PALD1: variants seen among roughly 807,000 people sequenced by gnomAD.
PALD1 encodes paladin.
A neutral mutation model predicts 96.0 loss-of-function variants in PALD1; 57 were observed. The ratio of observed to expected loss-of-function variants is 0.59; its 90% CI spans 0.48 to 0.74. The LOEUF (loss-of-function observed/expected upper bound fraction) is 0.74, where lower values mean the gene tolerates loss of function less well. Among genes scored for constraint, PALD1 ranks in the 30% least tolerant of loss-of-function variants. The probability of loss-of-function intolerance (pLI) is 0.00; values close to 1 mark genes in which losing one functional copy is unlikely to be tolerated. For missense variants in PALD1, 1,063 were observed against 1,143.7 expected (o/e 0.93, Z 1.02); for synonymous variants, 464 against 473.6 (o/e 0.98, Z 0.26).
chr10:70,567,130 G>A lies in PALD1; in HGVS notation c.*397G>A. 1 of 184,138 alleles carries A rather than the reference G, an allele frequency of 5.4e-6. No homozygotes were observed. Among genetic ancestry groups the A allele is most frequent in the Non-Finnish European group, 1.1e-5 (1 of 89,628 alleles). The allele number at this position is 184,138 out of a possible 1,614,324, so 11.4% of individuals were successfully genotyped here. On this transcript the variant is annotated 3_prime_UTR_variant, in exon 20 of 20. Coordinates refer to ENST00000263563, the MANE Select transcript of PALD1 (RefSeq NM_014431.3). ...TTGGCCTGGCAGCCCCTGGCACAGA[G>A]CAGACCCGGCCACTGGTAGCTCCCC...
chr10:70,463,702 A>G, the PALD1 span, among the ~76,000 whole-genome samples: 1 of 152,122 alleles, frequency 6.6e-6, no homozygotes, highest in Non-Finnish European at 1.5e-5. Flanking sequence ...GATAAGGACT[A>G]CAGGTGCTAT....
intron 1 of PALD1, among the ~76,000 whole-genome samples, chr10:70,490,573 A>G (rs1248906687): frequency 2.0e-5 from 3 of 152,244 alleles, no homozygotes; most frequent in Admixed American, 1.3e-4. Context: ...AGTTTTTACA[A>G]AACTATTAAA....
At chr10:70,531,238 T>C (rs1219643167) in intron 4 of PALD1, 52 bp from the exon 5 acceptor site, 1 of 1,508,712 alleles carries the variant, frequency 6.6e-7, no homozygotes, top group Non-Finnish European at 9.1e-7. Context: ...GTGGTGCAGG[T>C]GTCTGTGCGG....
In PALD1 at chr10:70,537,898, C is replaced by T. The variant is rs140399902; in HGVS notation, c.1315C>T (p.His439Tyr). 1.7e-5 allele frequency: 28 copies of T among 1,610,034 alleles called. No individual in the cohort carries two copies. The East Asian group carries it at 2.5e-4, about 14-fold the overall frequency. The change falls in exon 11 of 20, where the codon CAT becomes TAT. Residue 439 changes from histidine to tyrosine, a missense_variant. Transcript: ENST00000263563. ...FYLILFNYYL[H>Y]EQYPLAFALS... ...CCTGATCCTGTTTAACTACTACCTT[C>T]ATGAGCAGGTGGGGCCTGGGAGGAG...
intron 11 of PALD1, 56 bp downstream of exon 11, chr10:70,537,962 C>A (rs1847150845): frequency 6.4e-6 from 8 of 1,255,060 alleles, no homozygotes; most frequent in Non-Finnish European, 8.1e-6. Flanking sequence ...CTCCCAGCCT[C>A]CCCACCGCAG....
At chr10:70,533,193 A>T in intron 7 of PALD1, 123 bp downstream of exon 7, 2 of 774,174 alleles carry the variant, frequency 2.6e-6, no homozygotes, top group Non-Finnish European at 4.4e-6. Context: ...TGTGTATGTG[A>T]GCATGTTAGG....
chr10:70,551,309 T>TC (rs3841212), intron 18 of PALD1, among the ~76,000 whole-genome samples: 53,683 of 152,036 alleles, frequency 0.35, 9,900 homozygotes, highest in East Asian at 0.65. Flanking sequence ...AAACCAGAAG[T>TC]CCCAGGTGGC....
At chr10:70,565,646 G>A (rs10999404) in intron 19 of PALD1, among the ~76,000 whole-genome samples, 14,728 of 152,200 alleles carry the variant, frequency 0.097, 939 homozygotes, top group Middle Eastern at 0.18. Context: ...GGGACGTCAG[G>A]TGGAGAAGCA....
chr10:70,518,415 A>C (rs1347279521), intron 1 of PALD1, among the ~76,000 whole-genome samples: 1 of 152,224 alleles, frequency 6.6e-6, no homozygotes, highest in Admixed American at 6.5e-5. Flanking sequence ...AAGAAATTAC[A>C]AAACTGTCTT....
chr10:70,540,088 ATGTG>A lies in PALD1; in HGVS notation c.1908+332_1908+335del. Among the ~76,000 whole-genome samples, 1 of 151,366 alleles carries A rather than the reference ATGTG, an allele frequency of 6.6e-6. No individual in the cohort carries two copies. ...ATGTGTTTATTATGTTGTAGGGTGTATGTGTGTGTATTGTGTTATGGGTGTGTGT... is the reference window on the plus strand; with the variant it reads ...ATGTGTTTATTATGTTGTAGGGTGTATGTGTATTGTGTTATGGGTGTGTGT... On this transcript the variant is annotated intron_variant, in intron 15 of 19. Transcript: ENST00000263563. This position sits in a 1 kb window ranked among gnomAD's most constrained non-coding sequence, Gnocchi z 4.2.
In PALD1 at chr10:70,547,451, G is replaced by A; in HGVS notation, c.2262+5G>A. On this transcript the variant is annotated splice_donor_5th_base_variant and intron_variant, in intron 18 of 19. Transcript: ENST00000263563. The stretch of plus-strand genomic sequence containing the variant: ...ATCATCTGCACCTACCGCCAGGTGA[G>A]CCCCCACCCCACCCCACCCCACCCT... The A allele has an allele frequency of 6.3e-7, 1 of 1,585,846 alleles. No homozygotes were observed. The highest frequency in any genetic ancestry group is 8.6e-7 in the Non-Finnish European group (1 of 1,164,772).
rs1229688762 is a variant in PALD1, at chr10:70,568,210, A to C, written c.*1477A>C. Reference sequence around the variant, plus strand: ...TAATTTCTTTGCAGACAAGGTCTAGATGCGGAGTCAGAGATGGGACTGAAT... The same window carrying C: ...TAATTTCTTTGCAGACAAGGTCTAGCTGCGGAGTCAGAGATGGGACTGAAT... On this transcript the variant is annotated 3_prime_UTR_variant, in exon 20 of 20. Coordinates refer to ENST00000263563, the MANE Select transcript of PALD1 (RefSeq NM_014431.3). 1 of 152,742 alleles carries C rather than the reference A, an allele frequency of 6.5e-6. No individual in the cohort carries two copies. Among genetic ancestry groups the C allele is most frequent in the Admixed American group, 6.5e-5 (1 of 15,278 alleles). 9.5% of individuals were successfully genotyped at this position (152,742 alleles called of 1,614,324 possible).
At chr10:70,551,629 G>GC in intron 18 of PALD1, among the ~76,000 whole-genome samples, 1 of 152,132 alleles carries the variant, frequency 6.6e-6, no homozygotes, top group South Asian at 2.1e-4. Context: ...CCTTTTCCTG[G>GC]CCCCCTGCCG....
At chr10:70,479,742 A>G (rs985610115) in intron 1 of PALD1, among the ~76,000 whole-genome samples, 9 of 151,702 alleles carry the variant, frequency 5.9e-5, no homozygotes, top group African/African-American at 1.5e-4. Context: ...GGGCATCTCT[A>G]CTCTCCCAGC....
At chr10:70,533,485 G>A (rs1461921121) in intron 7 of PALD1, among the ~76,000 whole-genome samples, 1 of 152,156 alleles carries the variant, frequency 6.6e-6, no homozygotes, top group Non-Finnish European at 1.5e-5. Flanking sequence ...TGGCTGGGCT[G>A]CCAACTTGCT....
Position 70,534,753 on chromosome 10 carries a change from C to G in PALD1, c.1137C>G (p.Ile379Met), listed in dbSNP as rs764155720. 6.2e-7 allele frequency: 1 copy of G among 1,605,150 alleles called. No homozygotes were observed. Among genetic ancestry groups the G allele is most frequent in the Non-Finnish European group, 8.5e-7 (1 of 1,174,480 alleles). The change falls in exon 10 of 20, where the codon ATC (isoleucine) becomes ATG (methionine). Residue 379 changes from isoleucine to methionine, a missense_variant. Transcript: ENST00000263563. ...TCTGGCACCAGGTGGACAGAGCCAT[C>G]ACTGCCTGTGCCGAGTTGCATGACC... The part of the protein sequence containing the change: ...RRMVEEVDRA[I>M]TACAELHDLK...
In PALD1 at chr10:70,531,361, C is replaced by T. The variant is rs1295721637; in HGVS notation, c.540C>T (p.Tyr180=). ...GTGCAGATGAGGACTTTGTGTCCTACACACCTCGAGACAAGCAGAACCTTC... is the reference window on the plus strand; with the variant it reads ...GTGCAGATGAGGACTTTGTGTCCTATACACCTCGAGACAAGCAGAACCTTC... ...FLRADEDFVS[Y]TPRDKQNLHE... is the part of the protein sequence containing the mutation. The change falls in exon 5 of 20, where the codon TAC becomes TAT. Residue 180 remains tyrosine, a synonymous_variant. Coordinates refer to ENST00000263563, the MANE Select transcript of PALD1 (RefSeq NM_014431.3). The T allele has an allele frequency of 2.5e-6, 4 of 1,613,782 alleles. No individual in the cohort carries two copies. The highest frequency in any genetic ancestry group is 2.7e-5 in the African/African-American group (2 of 74,908).
intron 19 of PALD1, among the ~76,000 whole-genome samples, chr10:70,564,930 G>T (rs1847814610): frequency 6.6e-6 from 1 of 152,200 alleles, no homozygotes; most frequent in South Asian, 2.1e-4. Context: ...AGGGCCTAGG[G>T]TGAGGCTGTA....
At chr10:70,503,849 A>G (rs1846339588) in intron 1 of PALD1, among the ~76,000 whole-genome samples, 1 of 152,192 alleles carries the variant, frequency 6.6e-6, no homozygotes. Context: ...TTATACAAAT[A>G]TTTACTTACA....
Sources: allele counts gnomAD v4.1 joint callset (sites outside exome capture counted in the v4.1 genomes callset), GRCh38; gene constraint gnomAD v4.1.1; non-coding constraint Gnocchi (gnomAD v3.1); transcripts MANE v1.5; gene names NCBI Gene and HGNC (gene_info 2026-07-23, HGNC 2026-07-21).